MOSPD1: variants seen among roughly 807,000 people sequenced by gnomAD.
The protein encoded by MOSPD1 is motile sperm domain containing 1.
In MOSPD1, 5 loss-of-function variants were observed where a neutral mutation model predicts 16.7. The ratio of observed to expected loss-of-function variants is 0.30; its 90% CI spans 0.16 to 0.63. MOSPD1 has a LOEUF of 0.63. MOSPD1 is among the 30% of genes least tolerant of loss of function. MOSPD1 has a pLI of 0.82. For missense variants in MOSPD1, 104 were observed against 153.6 expected (o/e 0.68, Z 1.71); for synonymous variants, 67 against 59.2 (o/e 1.13, Z -0.61).
chrX:134,895,202 G>A (rs767171756), intron 4 of MOSPD1, among the ~76,000 whole-genome samples: 1 of 110,516 alleles, frequency 9.0e-6, no homozygotes, highest in African/African-American at 3.3e-5. Flanking sequence ...ACGAGCACCT[G>A]TAGTCCCAGC....
intron 1 of MOSPD1, among the ~76,000 whole-genome samples, chrX:134,911,550 T>C (rs186750595): frequency 8.9e-6 from 1 of 112,617 alleles, no homozygotes; most frequent in African/African-American, 3.2e-5. Flanking sequence ...TGTGTTTCCA[T>C]ATAGTCAATA....
At chrX:134,912,923 G>A (rs1408819025) in intron 1 of MOSPD1, among the ~76,000 whole-genome samples, 23 of 102,998 alleles carry the variant, frequency 2.2e-4, no homozygotes, top group African/African-American at 7.9e-4. Context: ...CCTGGGCGAC[G>A]GAGACTCTGT....
chrX:134,896,898 C>A lies in MOSPD1; in HGVS notation c.367G>T (p.Glu123Ter). Residue 123 changes from glutamate to a stop codon, truncating the protein, a stop_gained, in exon 4 of 6, where the codon GAA becomes TAA. Transcript: ENST00000370783. LOFTEE classifies it high-confidence loss of function. Reference sequence around the variant, plus strand: ...TTTTCCTCTTCTTCCTTTTGTTGTTCTTTTGCTGATGGGAGAAGAGTAGCA... The same window carrying A: ...TTTTCCTCTTCTTCCTTTTGTTGTTATTTTGCTGATGGGAGAAGAGTAGCA... Reference protein sequence around the residue: ...VVATLLPSAKEQQKEEEEKRL... With the variant: ...VVATLLPSAK 1 of 1,210,041 alleles carries A rather than the reference C, an allele frequency of 8.3e-7. No individual in the cohort carries two copies. The highest frequency in any genetic ancestry group is 1.1e-6 in the Non-Finnish European group (1 of 894,122).
At position 134,912,221 on chromosome X, in the gene MOSPD1, T is replaced by C. The variant is rs780980616; in HGVS notation, c.-102+2961A>G. 2.7e-5 allele frequency among the ~76,000 whole-genome samples: 3 copies of C among 111,942 alleles called. No individual in the cohort carries two copies. In the Admixed American group the frequency reaches 2.8e-4, roughly 11 times the overall value. ...TGCGCCCCACGCCTGCCTAATTTTGTATTTTTAGTAGAGTCGGGGTTTCTC... is the reference window on the plus strand; with the variant it reads ...TGCGCCCCACGCCTGCCTAATTTTGCATTTTTAGTAGAGTCGGGGTTTCTC... On this transcript the variant is annotated intron_variant, in intron 1 of 5. Coordinates refer to ENST00000370783, the MANE Select transcript of MOSPD1 (RefSeq NM_019556.3).
chrX:134,909,833 T>C (rs750645985), intron 1 of MOSPD1, among the ~76,000 whole-genome samples: 2 of 112,132 alleles, frequency 1.8e-5, no homozygotes, highest in Non-Finnish European at 3.8e-5. Flanking sequence ...TTGACTGCTA[T>C]AAATAATATG....
chrX:134,907,296 A>T (rs1454856867), intron 1 of MOSPD1, among the ~76,000 whole-genome samples: 2 of 112,000 alleles, frequency 1.8e-5, no homozygotes, highest in Non-Finnish European at 3.8e-5. Flanking sequence ...ATCTGTAGCA[A>T]TTGTCCCTGC....
chrX:134,909,758 T>C (rs749402397), intron 1 of MOSPD1, among the ~76,000 whole-genome samples: 1 of 111,971 alleles, frequency 8.9e-6, no homozygotes, highest in East Asian at 2.8e-4. Flanking sequence ...TGCTTAATAT[T>C]TGACACTTTT....
intron 1 of MOSPD1, among the ~76,000 whole-genome samples, chrX:134,913,394 T>C (rs1244711197): frequency 1.8e-5 from 2 of 111,595 alleles, no homozygotes; most frequent in African/African-American, 6.5e-5. Context: ...TATATTTTTG[T>C]AGACATGTAA....
In MOSPD1 at chrX:134,888,553, G is replaced by A. The variant is rs1340611733; in HGVS notation, c.*608C>T. On this transcript the variant is annotated 3_prime_UTR_variant, in exon 6 of 6. Transcript: ENST00000370783. ...AAACCCCTATGATTCTTGGTGTCTG[G>A]ACCACAACCTGTTCTGTAATTCACA... 1.8e-5 allele frequency: 2 copies of A among 111,158 alleles called. No homozygotes were observed. Among genetic ancestry groups the A allele is most frequent in the African/African-American group, 3.3e-5 (1 of 30,435 alleles). The allele number at this position is 111,158 out of a possible 1,213,427, so 9.2% of individuals were successfully genotyped here.
At chrX:134,907,170 T>C (rs1010012219) in intron 1 of MOSPD1, among the ~76,000 whole-genome samples, 2 of 110,524 alleles carry the variant, frequency 1.8e-5, no homozygotes, top group Non-Finnish European at 3.8e-5. Flanking sequence ...GGAGGTTGTA[T>C]TGAGCCGAGA....
intron 4 of MOSPD1, among the ~76,000 whole-genome samples, chrX:134,893,402 A>G (rs376910928): frequency 1.7e-3 from 188 of 112,479 alleles, no homozygotes; most frequent in Non-Finnish European, 3.0e-3. Flanking sequence ...AATTTTTAGT[A>G]GAGAACATTT....
At chrX:134,889,331 T>C in intron 5 of MOSPD1, 139 bp from the exon 6 acceptor site, 1 of 355,128 alleles carries the variant, frequency 2.8e-6, no homozygotes, top group Non-Finnish European at 4.8e-6. Flanking sequence ...CAAAGTCAAT[T>C]TGAATTTTGT....
intron 1 of MOSPD1, among the ~76,000 whole-genome samples, chrX:134,913,340 C>CTATA (rs201295303): frequency 0.017 from 1,921 of 111,382 alleles, 47 homozygotes; most frequent in African/African-American, 0.06. Context: ...CACCACTGCA[C>CTATA]TATAGCCTGG....
At chrX:134,889,729 A>C (rs1217021065) in intron 5 of MOSPD1, among the ~76,000 whole-genome samples, 1 of 111,463 alleles carries the variant, frequency 9.0e-6, no homozygotes, top group Admixed American at 9.6e-5. Context: ...ATCACATGGG[A>C]CTGGGGCAGT....
In MOSPD1 at chrX:134,887,645, T is replaced by G. The variant is rs2082840781; in HGVS notation, c.*1516A>C. ...TCAATGTGAAGCTCAGGTCTCCATT[T>G]CTGTTTATTTTTTAAAGTAATTTCT... On this transcript the variant is annotated 3_prime_UTR_variant, in exon 6 of 6. Coordinates refer to ENST00000370783, the MANE Select transcript of MOSPD1 (RefSeq NM_019556.3). 2 of 113,137 alleles carry G rather than the reference T, an allele frequency of 1.8e-5. No individual in the cohort carries two copies. Among genetic ancestry groups the G allele is most frequent in the African/African-American group, 6.4e-5 (2 of 31,106 alleles). The allele number at this position is 113,137 out of a possible 1,213,427, so 9.3% of individuals were successfully genotyped here. A position where few individuals can be genotyped will look rare whatever the true frequency, so the allele number is the denominator to read the frequency against.
At chrX:134,897,359 GAGACC>G (rs2082890153) in intron 3 of MOSPD1, among the ~76,000 whole-genome samples, 1 of 108,829 alleles carries the variant, frequency 9.2e-6, no homozygotes, top group Admixed American at 1.0e-4. Context: ...CCTGGAGTTT[GAGACC>G]AGCCTATGCA....
chrX:134,897,921 C>T (rs1362220051), intron 3 of MOSPD1, among the ~76,000 whole-genome samples: 3 of 111,828 alleles, frequency 2.7e-5, no homozygotes, highest in African/African-American at 6.5e-5. Flanking sequence ...CAGGCTGGAG[C>T]GCAATGGTGT....
At chrX:134,889,629 TATATAAA>T (rs759963507) in intron 5 of MOSPD1, among the ~76,000 whole-genome samples, 13 of 111,236 alleles carry the variant, frequency 1.2e-4, no homozygotes, top group African/African-American at 3.6e-4. Context: ...GAAGAGAGAA[TATATAAA>T]ATATAAAATA....
At chrX:134,904,248 C>T (rs149777430) in intron 1 of MOSPD1, among the ~76,000 whole-genome samples, 72 of 111,993 alleles carry the variant, frequency 6.4e-4, no homozygotes, top group Admixed American at 2.4e-3. Context: ...TACTATGACA[C>T]AATTTTTTAC....
Sources: gnomAD v4.1 joint callset for allele counts (sites outside exome capture counted in the v4.1 genomes callset) on GRCh38, gnomAD v4.1.1 for gene constraint, MANE v1.5 for transcripts, NCBI Gene and HGNC (gene_info 2026-07-23, HGNC 2026-07-21) for gene names.